NRXN1: variants seen among roughly 807,000 people sequenced by gnomAD.
NRXN1 encodes the protein neurexin-1.
In NRXN1, 39 loss-of-function variants were observed where a neutral mutation model predicts 150.9. The observed-to-expected ratio is 0.26, with a 90% CI of 0.20 to 0.34. The LOEUF is 0.34. Among genes scored for constraint, NRXN1 ranks in the 10% least tolerant of loss-of-function variants. NRXN1 has a pLI of 1.00. For missense variants in NRXN1, 1,815 were observed against 1,949.9 expected, an observed-to-expected ratio of 0.93 and a Z score of 1.30; for synonymous variants, 924 against 757.0, an observed-to-expected ratio of 1.22 and a Z score of -3.62.
At chr2:50,101,973 A>G (rs1465689972) in intron 18 of NRXN1, among the ~76,000 whole-genome samples, 1 of 152,010 alleles carries the variant, frequency 6.6e-6, no homozygotes, top group Non-Finnish European at 1.5e-5. Context: ...ATTGACTTCT[A>G]GTCCAGGACT....
At chr2:49,951,425 T>C (rs939429754) in intron 21 of NRXN1, among the ~76,000 whole-genome samples, 4 of 151,960 alleles carry the variant, frequency 2.6e-5, no homozygotes, top group African/African-American at 9.7e-5. Flanking sequence ...GTAGAAGGAC[T>C]GGCAAAATAA....
At chr2:50,774,172 T>C (rs1335592699) in intron 5 of NRXN1, among the ~76,000 whole-genome samples, 1 of 152,172 alleles carries the variant, frequency 6.6e-6, no homozygotes, top group Non-Finnish European at 1.5e-5. Context: ...ATGATACTGT[T>C]GTCTTACAGA....
chr2:50,585,355 T>C (rs1672927412), intron 8 of NRXN1, among the ~76,000 whole-genome samples: 1 of 152,164 alleles, frequency 6.6e-6, no homozygotes, highest in Admixed American at 6.5e-5. Flanking sequence ...AGAATGATGG[T>C]TACCAGGGGC....
intron 17 of NRXN1, among the ~76,000 whole-genome samples, chr2:50,334,209 A>ATATATATATATATATATATATATG (rs760530144): frequency 0.011 from 1,305 of 120,990 alleles, 20 homozygotes; most frequent in Non-Finnish European, 0.015. Flanking sequence ...ATATATATAT[A>ATATATATATATATATATATATATG]TATGTATGTA....
rs1278777010 is a variant in NRXN1 at position 50,259,273 on chromosome 2, C to A, written c.3365-22303G>T. On this transcript the variant is annotated intron_variant, in intron 17 of 22. Transcript: ENST00000401669. The stretch of plus-strand genomic sequence containing the variant: ...TATAGTCAACTTTATCAAATTTTAG[C>A]TAAATTTTTTTTTATAACTTGCTGC... Among the ~76,000 whole-genome samples, 4 of 151,866 alleles carry A rather than the reference C, an allele frequency of 2.6e-5. No individual in the cohort carries two copies. The Admixed American group carries it at 2.6e-4, about 10-fold the overall frequency.
intron 21 of NRXN1, among the ~76,000 whole-genome samples, chr2:50,040,772 G>A (rs1421580771): frequency 6.6e-6 from 1 of 152,034 alleles, no homozygotes; most frequent in African/African-American, 2.4e-5. Flanking sequence ...CTAGTTTCAG[G>A]AATAGTTTTA....
chr2:49,945,736 C>T (rs1572978628), intron 21 of NRXN1, among the ~76,000 whole-genome samples: 1 of 152,134 alleles, frequency 6.6e-6, no homozygotes, highest in African/African-American at 2.4e-5. Flanking sequence ...TTTATGGCTG[C>T]ATAGTATTCC....
intron 21 of NRXN1, among the ~76,000 whole-genome samples, chr2:49,983,636 C>G (rs1680377512): frequency 6.6e-6 from 1 of 152,118 alleles, no homozygotes; most frequent in Non-Finnish European, 1.5e-5. Context: ...CAGAAAATGT[C>G]TTTTTCTAGT....
At chr2:50,232,976 G>C (rs975013986) in intron 18 of NRXN1, among the ~76,000 whole-genome samples, 3 of 151,898 alleles carry the variant, frequency 2.0e-5, no homozygotes, top group African/African-American at 7.2e-5. Flanking sequence ...CTTATATCAA[G>C]TTCTATACTT....
intron 9 of NRXN1, among the ~76,000 whole-genome samples, chr2:50,549,091 T>C (rs1328256977): frequency 6.6e-6 from 1 of 152,142 alleles, no homozygotes; most frequent in Admixed American, 6.5e-5. Context: ...ATATAACTGA[T>C]ATAAAAAATG....
At chr2:50,790,401 A>G (rs1016201144) in intron 5 of NRXN1, among the ~76,000 whole-genome samples, 7 of 152,154 alleles carry the variant, frequency 4.6e-5, no homozygotes, top group Non-Finnish European at 8.8e-5. Context: ...TTGGGTCACC[A>G]AAACAACCCA....
intron 15 of NRXN1, among the ~76,000 whole-genome samples, chr2:50,494,971 A>T (rs969371767): frequency 2.0e-5 from 3 of 151,504 alleles, no homozygotes; most frequent in African/African-American, 7.3e-5. Context: ...GCAGAGACTG[A>T]AGTGAGCCGA....
intron 8 of NRXN1, chr2:50,589,030 G>C (rs947019520): frequency 1.3e-5 from 2 of 152,086 alleles, no homozygotes; most frequent in East Asian, 3.9e-4. Context: ...AAATTATCCC[G>C]AAGCCCGGTA....
chr2:50,980,061 G>A (rs772266429), intron 2 of NRXN1, among the ~76,000 whole-genome samples: 9 of 152,032 alleles, frequency 5.9e-5, no homozygotes, highest in Non-Finnish European at 1.2e-4. Context: ...TTTGCATATC[G>A]TTCTCTTAGT....
chr2:50,467,439 T>C (rs972423382), intron 16 of NRXN1, among the ~76,000 whole-genome samples: 16 of 151,696 alleles, frequency 1.1e-4, no homozygotes, highest in African/African-American at 3.9e-4. Flanking sequence ...AGAGAGCCTC[T>C]GAGGTGCCTG....
intron 18 of NRXN1, among the ~76,000 whole-genome samples, chr2:50,187,921 C>A (rs989049287): frequency 6.6e-6 from 1 of 152,012 alleles, no homozygotes; most frequent in Non-Finnish European, 1.5e-5. Context: ...GTGATTTTTG[C>A]ACATTGATTT....
intron 5 of NRXN1, among the ~76,000 whole-genome samples, chr2:50,916,031 T>C (rs995165939): frequency 8.3e-5 from 12 of 144,028 alleles, no homozygotes; most frequent in African/African-American, 3.1e-4. Context: ...ATCTTGATAA[T>C]GAGAGACACC....
At chr2:50,358,833 T>C (rs2153007715) in intron 17 of NRXN1, among the ~76,000 whole-genome samples, 1 of 152,252 alleles carries the variant, frequency 6.6e-6, no homozygotes, top group African/African-American at 2.4e-5. Context: ...ACAGGAGAGC[T>C]CCAGCTGGCA....
intron 18 of NRXN1, among the ~76,000 whole-genome samples, chr2:50,095,603 C>T (rs1379308885): frequency 1.3e-5 from 2 of 151,930 alleles, no homozygotes. Flanking sequence ...TGAAATAAGT[C>T]CCTTTAACTT....
Sources: allele counts gnomAD v4.1 joint callset (sites outside exome capture counted in the v4.1 genomes callset), GRCh38; gene constraint gnomAD v4.1.1; transcripts MANE v1.5; gene names NCBI Gene and HGNC (gene_info 2026-07-23, HGNC 2026-07-21).